The following SCARA3 variants were observed in gnomAD, a reference collection of about 807,000 sequenced individuals.
SCARA3 encodes cellular stress response gene protein.
Under a neutral mutation model 47.0 loss-of-function variants are expected in SCARA3, and 39 were observed. The ratio of observed to expected loss-of-function variants is 0.83; its 90% CI spans 0.64 to 1.08. The LOEUF is 1.08. Ranked by LOEUF, SCARA3 falls within the 50% of genes least tolerant of loss-of-function variation. The pLI is 0.00. For synonymous variants in SCARA3, 356 were observed against 334.1 expected, an observed-to-expected ratio of 1.07 and a Z score of -0.71; for missense variants, 724 against 792.3, an observed-to-expected ratio of 0.91 and a Z score of 1.04.
At chr8:27,688,686 C>T in the SCARA3 span, among the ~76,000 whole-genome samples, 2 of 152,054 alleles carry the variant, frequency 1.3e-5, no homozygotes, top group African/African-American at 4.8e-5. Flanking sequence ...GGAGAGAAAA[C>T]AGGAATGTAC....
At chr8:27,660,654 A>AGATAGATAGATAGATC (rs60638219) in intron 5 of SCARA3, among the ~76,000 whole-genome samples, 2,078 of 149,910 alleles carry the variant, frequency 0.014, 22 homozygotes, top group Admixed American at 0.022. Context: ...ATAGATAGAT[A>AGATAGATAGATAGATC]GATCTAGAGA....
the SCARA3 span, among the ~76,000 whole-genome samples, chr8:27,725,866 G>T: frequency 2.0e-5 from 3 of 152,196 alleles, no homozygotes; most frequent in African/African-American, 7.2e-5. Flanking sequence ...GATGTTTAGG[G>T]GCAGTCACAG....
chr8:27,704,619 T>C, the SCARA3 span, among the ~76,000 whole-genome samples: 1 of 152,112 alleles, frequency 6.6e-6, no homozygotes, highest in Non-Finnish European at 1.5e-5. Context: ...AGACCCTGGG[T>C]TGGGCTGGAC....
At chr8:27,696,150 A>C in the SCARA3 span, among the ~76,000 whole-genome samples, 1 of 151,568 alleles carries the variant, frequency 6.6e-6, no homozygotes, top group African/African-American at 2.4e-5. Flanking sequence ...GCTGGGACTA[A>C]AGGCACATGC....
At chr8:27,668,339 G>A (rs1802064265) in intron 5 of SCARA3, among the ~76,000 whole-genome samples, 1 of 151,616 alleles carries the variant, frequency 6.6e-6, no homozygotes, top group Non-Finnish European at 1.5e-5. Context: ...AGGAGATCGA[G>A]ACCATCCTGG....
chr8:27,670,759 G>GAAGCT, intron 5 of SCARA3, 141 bp from the exon 6 acceptor site: 1 of 650,138 alleles, frequency 1.5e-6, no homozygotes. Flanking sequence ...TGGAGCTATC[G>GAAGCT]GCAAGCCTTG....
At chr8:27,695,876 G>A in the SCARA3 span, among the ~76,000 whole-genome samples, 4 of 151,834 alleles carry the variant, frequency 2.6e-5, no homozygotes, top group Admixed American at 6.6e-5. Flanking sequence ...GAACTTCATG[G>A]GCATATGGGA....
chr8:27,648,012 A>C (rs1000929435), intron 1 of SCARA3, among the ~76,000 whole-genome samples: 1 of 152,210 alleles, frequency 6.6e-6, no homozygotes, highest in African/African-American at 2.4e-5. Context: ...GAGGCTCCGC[A>C]GCTCATTCAT....
chr8:27,675,967 G>A (rs1802271337), downstream of SCARA3, among the ~76,000 whole-genome samples: 1 of 152,168 alleles, frequency 6.6e-6, no homozygotes, highest in South Asian at 2.1e-4. Flanking sequence ...GATAAAACTT[G>A]AGAGCCACAG....
At chr8:27,704,661 C>T in the SCARA3 span, among the ~76,000 whole-genome samples, 6 of 152,066 alleles carry the variant, frequency 3.9e-5, no homozygotes, top group Non-Finnish European at 8.8e-5. Context: ...AGCTGTGGTT[C>T]CAGCTGTGTA....
intron 1 of SCARA3, among the ~76,000 whole-genome samples, chr8:27,638,014 A>G (rs2128914211): frequency 6.6e-6 from 1 of 152,248 alleles, no homozygotes; most frequent in African/African-American, 2.4e-5. Context: ...CCAGCGGCTC[A>G]GATGTTGGAG....
chr8:27,720,446 C>T, the SCARA3 span, among the ~76,000 whole-genome samples: 1 of 152,170 alleles, frequency 6.6e-6, no homozygotes, highest in Non-Finnish European at 1.5e-5. Flanking sequence ...TCATAATAAA[C>T]TCATCTCTGC....
At chr8:27,654,924 A>G (rs1459070014) in intron 3 of SCARA3, among the ~76,000 whole-genome samples, 1 of 152,234 alleles carries the variant, frequency 6.6e-6, no homozygotes, top group Non-Finnish European at 1.5e-5. Context: ...AAAGTCACTC[A>G]GTCTCTTTGT....
At chr8:27,676,933 T>C (rs888528615), downstream of SCARA3, among the ~76,000 whole-genome samples, 2 of 152,086 alleles carry the variant, frequency 1.3e-5, no homozygotes, top group African/African-American at 4.8e-5. Context: ...TTACCCAGAT[T>C]TGTAATATGA....
chr8:27,724,620 T>C, the SCARA3 span, among the ~76,000 whole-genome samples: 6 of 152,290 alleles, frequency 3.9e-5, no homozygotes, highest in South Asian at 1.2e-3. Context: ...ATCGCACCAT[T>C]GCACTCCAGC....
chr8:27,721,012 T>C, the SCARA3 span, among the ~76,000 whole-genome samples: 2 of 151,890 alleles, frequency 1.3e-5, no homozygotes, highest in African/African-American at 2.4e-5. Flanking sequence ...ACCCACCTAT[T>C]CACCCAATCT....
intron 1 of SCARA3, among the ~76,000 whole-genome samples, chr8:27,648,555 G>A (rs1222097987): frequency 6.6e-6 from 1 of 151,890 alleles, no homozygotes; most frequent in African/African-American, 2.4e-5. Flanking sequence ...AGTGAGCCGA[G>A]ATAGCACCAC....
At chr8:27,699,269 A>G in the SCARA3 span, among the ~76,000 whole-genome samples, 1 of 150,132 alleles carries the variant, frequency 6.7e-6, no homozygotes, top group African/African-American at 2.5e-5. Context: ...AAAAAAAAAG[A>G]CGTTCATTTT....
chr8:27,637,379 G>A (rs1229898498), intron 1 of SCARA3, among the ~76,000 whole-genome samples: 1 of 152,200 alleles, frequency 6.6e-6, no homozygotes, highest in Non-Finnish European at 1.5e-5. Context: ...AGCCACCTGT[G>A]GGGTTGTTTC....
Sources: allele counts gnomAD v4.1 joint callset (sites outside exome capture counted in the v4.1 genomes callset), GRCh38; gene constraint gnomAD v4.1.1; transcripts MANE v1.5; gene names NCBI Gene and HGNC (gene_info 2026-07-23, HGNC 2026-07-21).